Variants in WARS2 observed in about 807,000 individuals in gnomAD.
WARS2 encodes tryptophan--tRNA ligase, mitochondrial.
Under a neutral mutation model 36.5 loss-of-function variants are expected in WARS2, and 28 were observed. The observed-to-expected ratio is 0.77, with a 90% CI of 0.57 to 1.05. The LOEUF (loss-of-function observed/expected upper bound fraction) is 1.05, where lower values mean the gene tolerates loss of function less well. Ranked by LOEUF, WARS2 falls within the 50% of genes least tolerant of loss-of-function variation. WARS2 has a pLI of 0.00. For missense variants in WARS2, 435 were observed against 456.8 expected, an observed-to-expected ratio of 0.95 and a Z score of 0.44; for synonymous variants, 174 against 178.4, an observed-to-expected ratio of 0.98 and a Z score of 0.20.
rs1394555754 is a variant in WARS2 at position 119,073,817 on chromosome 1, T to C, written c.348+2533A>G. On this transcript the variant is annotated intron_variant, in intron 2 of 5. Transcript: ENST00000235521. ...TATCTCAATTATTGCAAATTTTAGATGCTTATGAAGATCACTGCTAAAAAT... is the reference window on the plus strand; with the variant it reads ...TATCTCAATTATTGCAAATTTTAGACGCTTATGAAGATCACTGCTAAAAAT... 3.9e-5 allele frequency among the ~76,000 whole-genome samples: 6 copies of C among 152,338 alleles called. No individual in the cohort carries two copies. The East Asian group carries it at 1.2e-3, about 29-fold the overall frequency.
At chr1:119,069,920 AGGGCT>A (rs1207215392) in intron 2 of WARS2, among the ~76,000 whole-genome samples, 2 of 152,106 alleles carry the variant, frequency 1.3e-5, no homozygotes, top group Non-Finnish European at 2.9e-5. Flanking sequence ...CAGAGACGTG[AGGGCT>A]GGAGAAGGGT....
Position 119,034,142 on chromosome 1 carries a change from A to G in WARS2, c.587T>C (p.Phe196Ser). 1 of 1,614,106 alleles carries G rather than the reference A, an allele frequency of 6.2e-7. No individual in the cohort carries two copies. The highest frequency in any genetic ancestry group is 8.5e-7 in the Non-Finnish European group (1 of 1,179,950). ...AAAGAACTCCCCATACTTCTTGTTGAAACCTTGTGCTAGATCCTGAACTAG... is the reference window on the plus strand; with the variant it reads ...AAAGAACTCCCCATACTTCTTGTTGGAACCTTGTGCTAGATCCTGAACTAG... ...MELVQDLAQG[F>S]NKKYGEFFPV... The change falls in exon 5 of 6, where the codon TTC becomes TCC. Residue 196 changes from phenylalanine (F) to serine (S), a missense_variant. By Grantham distance (155) the Phe-to-Ser change is radical (BLOSUM62 -2). Transcript: ENST00000235521.
intron 1 of WARS2, among the ~76,000 whole-genome samples, chr1:119,102,593 T>C (rs1653952948): frequency 6.6e-6 from 1 of 152,158 alleles, no homozygotes; most frequent in Non-Finnish European, 1.5e-5. Context: ...TTCAAGTCTT[T>C]CCTACTCTAT....
chr1:119,037,587 AC>A (rs1235732754), intron 4 of WARS2, among the ~76,000 whole-genome samples: 1 of 152,226 alleles, frequency 6.6e-6, no homozygotes, highest in African/African-American at 2.4e-5. Flanking sequence ...TTGAAGACCC[AC>A]GATGTGAAAG....
At chr1:119,066,464 A>G (rs1463627274) in intron 2 of WARS2, among the ~76,000 whole-genome samples, 1 of 139,046 alleles carries the variant, frequency 7.2e-6, no homozygotes, top group Admixed American at 7.3e-5. Context: ...GGTGACAGAG[A>G]GAGGCTCTGT....
intron 2 of WARS2, among the ~76,000 whole-genome samples, chr1:119,071,028 C>T (rs192922037): frequency 1.9e-4 from 29 of 152,030 alleles, no homozygotes; most frequent in African/African-American, 7.0e-4. Flanking sequence ...ACTAAAAATA[C>T]AAAAATTGGC....
chr1:119,105,052 T>C (rs1654137433), intron 1 of WARS2, among the ~76,000 whole-genome samples: 1 of 152,190 alleles, frequency 6.6e-6, no homozygotes, highest in South Asian at 2.1e-4. Context: ...GGAAAATCAT[T>C]GCAGGAGCAG....
At position 119,033,251 on chromosome 1, in the gene WARS2, A is replaced by G. The variant is rs1173816029; in HGVS notation, c.743T>C (p.Val248Ala). 1.2e-6 allele frequency: 2 copies of G among 1,614,252 alleles called. No homozygotes were observed. The highest frequency in any genetic ancestry group is 2.7e-5 in the African/African-American group (2 of 75,074). ...VRITDSPEEI[V>A]QKFRKAVTDF... ...TGTCACAGCCTTGCGGAATTTCTGC[A>G]CTATCTCCTCTGGGCTGTCTGTTAT... Residue 248 changes from valine (V) to alanine (A), a missense_variant, in exon 6 of 6, where the codon GTG becomes GCG. Transcript: ENST00000235521.
intron 1 of WARS2, among the ~76,000 whole-genome samples, chr1:119,077,670 T>C (rs975527654): frequency 5.3e-5 from 8 of 152,142 alleles, no homozygotes; most frequent in Non-Finnish European, 1.2e-4. Context: ...ATTATTTAAA[T>C]TATAAAAAGC....
intron 2 of WARS2, among the ~76,000 whole-genome samples, chr1:119,049,204 C>A (rs1368942632): frequency 6.6e-6 from 1 of 152,238 alleles, no homozygotes; most frequent in Non-Finnish European, 1.5e-5. Context: ...CACCAGCGGG[C>A]CACTGACGGG....
Position 119,057,209 on chromosome 1 carries a change from G to C in WARS2, c.349-11547C>G, listed in dbSNP as rs116327422. 7.7e-3 allele frequency among the ~76,000 whole-genome samples: 1,173 copies of C among 151,950 alleles called. 16 individuals are homozygous for C. The highest frequency in any genetic ancestry group is 0.027 in the African/African-American group (1,117 of 41,460). ...TCGCCCAGGCTGGAGTCAGTGGCACGATCTCGGCTGACTGAAACCTCTGCC... is the reference window on the plus strand; with the variant it reads ...TCGCCCAGGCTGGAGTCAGTGGCACCATCTCGGCTGACTGAAACCTCTGCC... On this transcript the variant is annotated intron_variant, in intron 2 of 5. Transcript: ENST00000235521.
At chr1:119,066,919 T>C (rs1650929026) in intron 2 of WARS2, among the ~76,000 whole-genome samples, 1 of 152,188 alleles carries the variant, frequency 6.6e-6, no homozygotes, top group South Asian at 2.1e-4. Context: ...GTCTTTCACA[T>C]GTGCACAAAA....
intron 1 of WARS2, among the ~76,000 whole-genome samples, chr1:119,099,074 T>C (rs1296070659): frequency 2.6e-5 from 4 of 152,212 alleles, no homozygotes; most frequent in Non-Finnish European, 4.4e-5. Context: ...GAAAGAGGCA[T>C]TCACAAGTAT....
intron 2 of WARS2, among the ~76,000 whole-genome samples, chr1:119,072,493 A>G (rs1651400617): frequency 6.6e-6 from 1 of 152,212 alleles, no homozygotes; most frequent in African/African-American, 2.4e-5. Context: ...CAAAGGTGTG[A>G]AAAAAAGTAG....
intron 2 of WARS2, among the ~76,000 whole-genome samples, chr1:119,059,993 T>C (rs1188155664): frequency 6.6e-6 from 1 of 152,172 alleles, no homozygotes; most frequent in Non-Finnish European, 1.5e-5. Context: ...GATACTAGAC[T>C]TAATACCTGG....
Position 119,130,211 on chromosome 1 carries a change from T to C in WARS2, c.90+10344A>G, listed in dbSNP as rs115168809. Among the ~76,000 whole-genome samples the C allele has an allele frequency of 7.9e-3, 1,200 of 152,214 alleles. 12 individuals carry two copies. The highest frequency in any genetic ancestry group is 0.027 in the African/African-American group (1,138 of 41,542). ...TTTCCTTTATAAGTTGAAGAAAGCA[T>C]ACTCTTGATTATAAAAGCAAAAACC... is the stretch of plus-strand genomic sequence containing the variant. On this transcript the variant is annotated intron_variant, in intron 1 of 5. Transcript: ENST00000235521.
At chr1:119,117,683 C>T (rs76242562) in intron 1 of WARS2, among the ~76,000 whole-genome samples, 2,606 of 152,296 alleles carry the variant, frequency 0.017, 40 homozygotes, top group Non-Finnish European at 0.024. Flanking sequence ...TCCAGAGAGT[C>T]CACTTCACTC....
chr1:119,056,186 ATTTTTTT>A (rs751264352), intron 2 of WARS2, among the ~76,000 whole-genome samples: 7 of 116,152 alleles, frequency 6.0e-5, no homozygotes, highest in South Asian at 2.9e-4. Flanking sequence ...TGCCTGGCTA[ATTTTTTT>A]TTTTTTTTTT....
intron 2 of WARS2, among the ~76,000 whole-genome samples, chr1:119,073,731 CAT>C (rs1651505515): frequency 6.6e-6 from 1 of 152,138 alleles, no homozygotes; most frequent in African/African-American, 2.4e-5. Flanking sequence ...CAAAGTCTCC[CAT>C]ATTGTGGGTT....
Sources: allele counts gnomAD v4.1 joint callset (sites outside exome capture counted in the v4.1 genomes callset), GRCh38; gene constraint gnomAD v4.1.1; transcripts MANE v1.5; gene names NCBI Gene and HGNC (gene_info 2026-07-23, HGNC 2026-07-21).